Variants in ZMAT4 observed in about 807,000 individuals in gnomAD.
The protein encoded by ZMAT4 is zinc finger matrin-type 4.
ZMAT4 carries 17 observed loss-of-function variants against 28.7 expected under a neutral mutation model. That is an observed-to-expected ratio of 0.59 (90% CI 0.41 to 0.89). The LOEUF (loss-of-function observed/expected upper bound fraction) is 0.89, where lower values mean the gene tolerates loss of function less well. Among genes scored for constraint, ZMAT4 ranks in the 40% least tolerant of loss-of-function variants. ZMAT4 has a pLI of 0.00. For missense variants in ZMAT4, 240 were observed against 283.8 expected (o/e 0.85, Z 1.11); for synonymous variants, 117 against 109.2 (o/e 1.07, Z -0.44).
At chr8:40,606,160 GGCCATTTACATTCAACATTA>G (rs1359894841) in intron 5 of ZMAT4, among the ~76,000 whole-genome samples, 1 of 152,060 alleles carries the variant, frequency 6.6e-6, no homozygotes, top group Non-Finnish European at 1.5e-5. Flanking sequence ...GGAGCATTTA[GGCCATTTACATTCAACATTA>G]GTATTGAGAT....
intron 1 of ZMAT4, among the ~76,000 whole-genome samples, chr8:40,885,497 C>T (rs1278034029): frequency 6.6e-6 from 1 of 152,194 alleles, no homozygotes; most frequent in African/African-American, 2.4e-5. Context: ...ACCAGAGTAA[C>T]CTATTTATTC....
At chr8:40,893,797 AG>A (rs1346681145) in intron 1 of ZMAT4, among the ~76,000 whole-genome samples, 3 of 152,148 alleles carry the variant, frequency 2.0e-5, no homozygotes, top group Non-Finnish European at 2.9e-5. Context: ...CCTGATAGGC[AG>A]GTTTTTGATT....
chr8:40,578,923 A>C (rs1236408151), intron 6 of ZMAT4, among the ~76,000 whole-genome samples: 1 of 152,208 alleles, frequency 6.6e-6, no homozygotes. Context: ...TAACTGAATG[A>C]CATGGAGTAA....
rs1168762878 is a variant in ZMAT4 at position 40,531,096 on chromosome 8, A to C, written c.*1127T>G. ...ATCGTCAGTAGAAGCTCAACGTCCC[A>C]CTTCGTAACCAGGCTACAAGACACC... On this transcript the variant is annotated 3_prime_UTR_variant, in exon 7 of 7. Transcript: ENST00000297737. The C allele has an allele frequency of 6.6e-6, 1 of 152,634 alleles. No homozygotes were observed. The highest frequency in any genetic ancestry group is 1.9e-4 in the East Asian group (1 of 5,170). 9.5% of individuals were successfully genotyped at this position (152,634 alleles called of 1,614,324 possible). A position where few individuals can be genotyped will look rare whatever the true frequency, so the allele number is the denominator to read the frequency against.
chr8:40,828,788 G>T (rs149590047), intron 1 of ZMAT4, among the ~76,000 whole-genome samples: 40 of 152,108 alleles, frequency 2.6e-4, no homozygotes, highest in Non-Finnish European at 5.1e-4. Flanking sequence ...AAAAGAGAGC[G>T]CAGTCCATGT....
chr8:40,558,941 C>A (rs557522478), intron 6 of ZMAT4, among the ~76,000 whole-genome samples: 2 of 152,256 alleles, frequency 1.3e-5, no homozygotes, highest in Non-Finnish European at 2.9e-5. Flanking sequence ...CAATAAGATA[C>A]CAAATCATAA....
intron 5 of ZMAT4, among the ~76,000 whole-genome samples, chr8:40,625,613 C>T (rs550714933): frequency 8.2e-4 from 124 of 152,100 alleles, no homozygotes; most frequent in Middle Eastern, 3.4e-3. Flanking sequence ...AGTAATTGTG[C>T]GGATGTGGTA....
At chr8:40,671,357 A>C (rs1261557879) in intron 5 of ZMAT4, among the ~76,000 whole-genome samples, 1 of 152,180 alleles carries the variant, frequency 6.6e-6, no homozygotes, top group African/African-American at 2.4e-5. Context: ...GACCAAAAAA[A>C]AGTCTTGTGC....
At chr8:40,559,464 C>T (rs1803659380) in intron 6 of ZMAT4, among the ~76,000 whole-genome samples, 1 of 152,048 alleles carries the variant, frequency 6.6e-6, no homozygotes, top group Non-Finnish European at 1.5e-5. Flanking sequence ...AATATTCATA[C>T]CTCCTCCTAT....
intron 2 of ZMAT4, among the ~76,000 whole-genome samples, chr8:40,796,077 T>A (rs1465903026): frequency 6.6e-6 from 1 of 152,100 alleles, no homozygotes; most frequent in African/African-American, 2.4e-5. Context: ...ACAACCCAGC[T>A]CTCCCCCTCT....
At chr8:40,809,284 G>A (rs78960129) in intron 2 of ZMAT4, among the ~76,000 whole-genome samples, 1 of 26,044 alleles carries the variant, frequency 3.8e-5, no homozygotes, top group Non-Finnish European at 1.7e-4. Flanking sequence ...TGGGAACAAT[G>A]GACATAAAGA....
intron 2 of ZMAT4, among the ~76,000 whole-genome samples, chr8:40,802,544 T>A (rs977018738): frequency 6.6e-6 from 1 of 152,100 alleles, no homozygotes; most frequent in African/African-American, 2.4e-5. Flanking sequence ...TGTACAATTT[T>A]GATGAAGAAA....
chr8:40,882,825 C>T (rs190487555), intron 1 of ZMAT4, among the ~76,000 whole-genome samples: 8 of 152,244 alleles, frequency 5.3e-5, no homozygotes, highest in Admixed American at 2.0e-4. Context: ...AGATCAACTT[C>T]GGTTCGCTAT....
chr8:40,607,367 G>A lies in ZMAT4; in HGVS notation c.578-26106C>T, dbSNP rs1043525551. On this transcript the variant is annotated intron_variant, in intron 5 of 6. Transcript: ENST00000297737. Reference sequence around the variant, plus strand: ...AGGATGGTCTCGATCTCCTGACCTCGTGATCTGCCCACTCAGCCTCCCAAA... The same window carrying A: ...AGGATGGTCTCGATCTCCTGACCTCATGATCTGCCCACTCAGCCTCCCAAA... 6.6e-5 allele frequency among the ~76,000 whole-genome samples: 10 copies of A among 151,982 alleles called. No homozygotes were observed. In the South Asian group the frequency reaches 1.0e-3, roughly 16 times the overall value.
intron 1 of ZMAT4, among the ~76,000 whole-genome samples, chr8:40,880,270 G>A (rs1818175426): frequency 6.6e-6 from 1 of 151,956 alleles, no homozygotes; most frequent in African/African-American, 2.4e-5. Context: ...TCGGGAGGCT[G>A]AGGCAGGAGA....
intron 2 of ZMAT4, among the ~76,000 whole-genome samples, chr8:40,787,367 G>A (rs1037769201): frequency 6.6e-6 from 1 of 152,156 alleles, no homozygotes; most frequent in Non-Finnish European, 1.5e-5. Context: ...TAAATTTAAT[G>A]CCTTTCCATC....
intron 2 of ZMAT4, among the ~76,000 whole-genome samples, chr8:40,800,366 A>G (rs1814786203): frequency 6.6e-6 from 1 of 151,998 alleles, no homozygotes; most frequent in South Asian, 2.1e-4. Context: ...AAAGAACATA[A>G]ACACAACACC....
At chr8:40,534,224 G>A (rs965086380) in intron 6 of ZMAT4, among the ~76,000 whole-genome samples, 4 of 152,062 alleles carry the variant, frequency 2.6e-5, no homozygotes, top group African/African-American at 9.7e-5. Context: ...AAATTAAAAT[G>A]TCTTTCAGTT....
intron 3 of ZMAT4, among the ~76,000 whole-genome samples, chr8:40,738,185 T>C (rs1811855015): frequency 6.6e-6 from 1 of 152,106 alleles, no homozygotes; most frequent in African/African-American, 2.4e-5. Context: ...AGGTACCAGG[T>C]GTTAACAAAG....
Sources: allele counts gnomAD v4.1 joint callset (sites outside exome capture counted in the v4.1 genomes callset), GRCh38; gene constraint gnomAD v4.1.1; transcripts MANE v1.5; gene names NCBI Gene and HGNC (gene_info 2026-07-23, HGNC 2026-07-21).